The following SLC25A13 variants were observed in gnomAD, a reference collection of about 807,000 sequenced individuals.
SLC25A13 encodes the protein electrogenic aspartate/glutamate antiporter SLC25A13, mitochondrial.
SLC25A13 carries 70 observed loss-of-function variants against 85.5 expected under a neutral mutation model. The observed-to-expected ratio is 0.82, with a 90% CI of 0.68 to 1.00. The LOEUF is 1.00. Among genes scored for constraint, SLC25A13 ranks in the 50% least tolerant of loss-of-function variants. The pLI is 0.00. For missense variants in SLC25A13, 765 were observed against 819.8 expected (o/e 0.93, Z 0.82); for synonymous variants, 259 against 288.7 (o/e 0.90, Z 1.04).
chr7:96,317,022 T>G (rs1353926064), intron 1 of SLC25A13, among the ~76,000 whole-genome samples: 1 of 152,040 alleles, frequency 6.6e-6, no homozygotes, highest in East Asian at 1.9e-4. Context: ...CAGGCTGGAG[T>G]GCAATGGCAC....
chr7:96,149,648 T>C (rs1216006063), intron 13 of SLC25A13, among the ~76,000 whole-genome samples: 3 of 152,188 alleles, frequency 2.0e-5, no homozygotes, highest in Non-Finnish European at 4.4e-5. Flanking sequence ...TGGCACATTG[T>C]AAAGGTGCTG....
chr7:96,154,795 C>CTTTTTTT (rs199642402), intron 13 of SLC25A13, among the ~76,000 whole-genome samples: 1 of 122,328 alleles, frequency 8.2e-6, no homozygotes. Flanking sequence ...ATTTCAGCAT[C>CTTTTTTT]TTTTTCTTTT....
chr7:96,293,550 C>G (rs1166936108), intron 2 of SLC25A13, among the ~76,000 whole-genome samples: 1 of 152,068 alleles, frequency 6.6e-6, no homozygotes, highest in Non-Finnish European at 1.5e-5. Context: ...GGCTAATATC[C>G]AGAATCTACA....
intron 13 of SLC25A13, among the ~76,000 whole-genome samples, chr7:96,166,252 A>T (rs761371157): frequency 5.3e-5 from 8 of 152,200 alleles, no homozygotes; most frequent in Non-Finnish European, 1.0e-4. Context: ...CATCACAATG[A>T]AAAAATACCC....
In SLC25A13 at chr7:96,230,799, A is replaced by C. The variant is rs545995051; in HGVS notation, c.328+4003T>G. Among the ~76,000 whole-genome samples, 8 of 152,292 alleles carry C rather than the reference A, an allele frequency of 5.3e-5. No individual in the cohort carries two copies. In the East Asian group the frequency reaches 1.4e-3, roughly 26 times the overall value. ...TTCCTTACGCCATATACAAAAATAA[A>C]CTTGAAATGGATTAAAGACTTAAAT... On this transcript the variant is annotated intron_variant, in intron 4 of 17. Transcript: ENST00000265631.
At chr7:96,321,706 A>G (rs1305099236) in intron 1 of SLC25A13, among the ~76,000 whole-genome samples, 1 of 152,126 alleles carries the variant, frequency 6.6e-6, no homozygotes, top group Non-Finnish European at 1.5e-5. Context: ...GCCAAGTGGG[A>G]GTGTCCGGCC....
intron 3 of SLC25A13, among the ~76,000 whole-genome samples, chr7:96,272,789 A>G (rs1205035366): frequency 6.6e-6 from 1 of 152,230 alleles, no homozygotes; most frequent in Admixed American, 6.5e-5. Context: ...AAGAGGAAAG[A>G]AAGTTTCTGT....
chr7:96,197,300 A>G (rs370589703), intron 5 of SLC25A13, among the ~76,000 whole-genome samples: 7 of 152,228 alleles, frequency 4.6e-5, no homozygotes, highest in East Asian at 3.8e-4. Flanking sequence ...AAAATTCCCT[A>G]AAGTTTTCCA....
chr7:96,274,745 G>A (rs962373282), intron 3 of SLC25A13, among the ~76,000 whole-genome samples: 1 of 152,152 alleles, frequency 6.6e-6, no homozygotes, highest in African/African-American at 2.4e-5. Flanking sequence ...AGTTTTCCCA[G>A]CACCATTTAC....
Position 96,171,508 on chromosome 7 carries a change from T to A in SLC25A13, c.1194A>T (p.Leu398Phe), listed in dbSNP as rs2301629. The A allele has an allele frequency of 1.2e-6, 2 of 1,612,058 alleles. No individual in the cohort carries two copies. The highest frequency in any genetic ancestry group is 2.7e-5 in the African/African-American group (2 of 74,828). Residue 398 changes from leucine (L) to phenylalanine (F), a missense_variant, in exon 12 of 18, where the codon TTA becomes TTT. Coordinates refer to ENST00000265631, the MANE Select transcript of SLC25A13 (RefSeq NM_014251.3). ...TGGCCTTCTCTGGGGCAACTCCCAA[T>A]AACTGTGGCAACAGACCTAAAAATC... ...FGLYRGLLPQ[L>F]LGVAPEKAIK...
intron 14 of SLC25A13, among the ~76,000 whole-genome samples, chr7:96,138,358 A>G (rs968284548): frequency 2.7e-5 from 4 of 149,522 alleles, no homozygotes; most frequent in African/African-American, 9.8e-5. Flanking sequence ...ATTATTTTCA[A>G]TTATCCTACA....
chr7:96,239,401 C>A (rs556824832), intron 3 of SLC25A13, among the ~76,000 whole-genome samples: 5 of 150,858 alleles, frequency 3.3e-5, no homozygotes, highest in Non-Finnish European at 7.4e-5. Context: ...TATATATAGA[C>A]AAACAGTGCT....
rs180944633 is a variant in SLC25A13 at position 96,208,951 on chromosome 7, T to C, written c.355A>G (p.Thr119Ala). Residue 119 changes from threonine (T) to alanine (A), a missense_variant, in exon 5 of 18, where the codon ACC (threonine) becomes GCC (alanine). Thr to Ala is a moderately conservative substitution (Grantham distance 58). Transcript: ENST00000265631. ...AATGGAATATGTTGATGAATTGTGG[T>C]CTGTCCAAAAACTTGCTTAACATCC... ...FEDVKQVFGQ[T>A]TIHQHIPFNW... The C allele has an allele frequency of 1.2e-6, 2 of 1,614,174 alleles. No homozygotes were observed. Among genetic ancestry groups the C allele is most frequent in the Admixed American group, 1.7e-5 (1 of 60,018 alleles).
At chr7:96,141,019 C>CTTTTTTTTTTT (rs11433644) in intron 14 of SLC25A13, among the ~76,000 whole-genome samples, 1 of 124,708 alleles carries the variant, frequency 8.0e-6, no homozygotes, top group Admixed American at 8.5e-5. Context: ...TTTTTTCTTT[C>CTTTTTTTTTTT]TTTTTTTTTT....
intron 1 of SLC25A13, among the ~76,000 whole-genome samples, chr7:96,299,508 C>T (rs1213858279): frequency 3.9e-5 from 6 of 152,124 alleles, no homozygotes; most frequent in Non-Finnish European, 8.8e-5. Context: ...CAATTATTTC[C>T]CCCAAAAAGT....
At chr7:96,163,620 G>C (rs1010230584) in intron 13 of SLC25A13, among the ~76,000 whole-genome samples, 2 of 152,212 alleles carry the variant, frequency 1.3e-5, no homozygotes, top group African/African-American at 4.8e-5. Flanking sequence ...GATCATTCCT[G>C]TTAGGAGGAA....
chr7:96,290,551 C>T (rs1198660804), intron 2 of SLC25A13, among the ~76,000 whole-genome samples: 1 of 144,212 alleles, frequency 6.9e-6, no homozygotes, highest in Non-Finnish European at 1.5e-5. Context: ...CAGAGACACA[C>T]ATAGGCTCAA....
chr7:96,272,346 T>C (rs1798275405), intron 3 of SLC25A13, among the ~76,000 whole-genome samples: 2 of 152,094 alleles, frequency 1.3e-5, no homozygotes. Context: ...AAAAATCCTG[T>C]AATGTTAAAT....
chr7:96,228,802 G>A (rs183522224), intron 4 of SLC25A13, among the ~76,000 whole-genome samples: 1 of 152,194 alleles, frequency 6.6e-6, no homozygotes, highest in Non-Finnish European at 1.5e-5. Flanking sequence ...TGCACTCGGA[G>A]TGGATGGCCA....
Sources: allele counts gnomAD v4.1 joint callset (sites outside exome capture counted in the v4.1 genomes callset), GRCh38; gene constraint gnomAD v4.1.1; transcripts MANE v1.5; gene names NCBI Gene and HGNC (gene_info 2026-07-23, HGNC 2026-07-21).